VPS54: variants seen among roughly 807,000 people sequenced by gnomAD.
VPS54 encodes the protein vacuolar protein sorting-associated protein 54.
Under a neutral mutation model 121.5 loss-of-function variants are expected in VPS54, and 45 were observed. The observed-to-expected ratio is 0.37, with a 90% confidence interval of 0.29 to 0.47. The LOEUF is 0.47. Ranked by LOEUF, VPS54 falls within the 20% of genes least tolerant of loss-of-function variation. VPS54 has a pLI of 0.99. For missense variants in VPS54, 1,090 were observed against 1,131.4 expected (o/e 0.96, Z 0.52); for synonymous variants, 371 against 385.8 (o/e 0.96, Z 0.45).
At chr2:63,987,638 T>C (rs1275593351) in intron 1 of VPS54, among the ~76,000 whole-genome samples, 1 of 151,850 alleles carries the variant, frequency 6.6e-6, no homozygotes, top group Admixed American at 6.6e-5. Context: ...TTTAACAATA[T>C]TGATTCTTCC....
chr2:63,962,306 C>T lies in VPS54; in HGVS notation c.762G>A (p.Met254Ile), dbSNP rs369784624. 6.2e-7 allele frequency: 1 copy of T among 1,613,904 alleles called. No individual in the cohort carries two copies. Among genetic ancestry groups the T allele is most frequent in the Non-Finnish European group, 8.5e-7 (1 of 1,179,932 alleles). The change falls in exon 7 of 23, where the codon ATG (methionine) becomes ATA (isoleucine). Residue 254 changes from methionine to isoleucine, a missense_variant. By Grantham distance (10) the Met-to-Ile change is conservative. Coordinates refer to ENST00000272322, the MANE Select transcript of VPS54 (RefSeq NM_016516.3). Reference sequence around the variant, plus strand: ...CAATCTGTGCAATTTTATCTCGAAGCATTTTTACAGCCTGGGAAGTTTTCC... The same window carrying T: ...CAATCTGTGCAATTTTATCTCGAAGTATTTTTACAGCCTGGGAAGTTTTCC... ...YLRKTSQAVKMLRDKIAQIDK... is the reference protein window; with the variant it reads ...YLRKTSQAVKILRDKIAQIDK...
At chr2:63,981,947 G>C in intron 2 of VPS54, 60 bp from the exon 3 acceptor site, 1 of 1,519,718 alleles carries the variant, frequency 6.6e-7, no homozygotes, top group Non-Finnish European at 8.8e-7. Flanking sequence ...ATGTTTGAAA[G>C]TACACACTAG....
At chr2:63,997,653 A>G (rs987236492) in intron 1 of VPS54, among the ~76,000 whole-genome samples, 2 of 151,924 alleles carry the variant, frequency 1.3e-5, no homozygotes, top group Admixed American at 6.6e-5. Flanking sequence ...CAAAAACCCA[A>G]CGTTTTATTG....
intron 1 of VPS54, among the ~76,000 whole-genome samples, chr2:64,012,710 A>T (rs1678486459): frequency 6.7e-6 from 1 of 149,734 alleles, no homozygotes; most frequent in African/African-American, 2.5e-5. Flanking sequence ...AAAAAAGAAA[A>T]GAAAATTTCA....
chr2:63,995,020 T>C (rs775514657), intron 1 of VPS54, among the ~76,000 whole-genome samples: 1 of 152,214 alleles, frequency 6.6e-6, no homozygotes, highest in Non-Finnish European at 1.5e-5. Context: ...GATAAAGGCA[T>C]TACCCCCATC....
chr2:63,944,611 A>C lies in VPS54; in HGVS notation c.1290T>G (p.Asp430Glu). ...ATATTTATACTTACTTCACAACAACATCTGTGTCTATTTCTTCTGTTTGTG... is the reference window on the plus strand; with the variant it reads ...ATATTTATACTTACTTCACAACAACCTCTGTGTCTATTTCTTCTGTTTGTG... ...KVSQTEEIDTDVVVKLADQMR... is the reference protein window; with the variant it reads ...KVSQTEEIDTEVVVKLADQMR... Residue 430 changes from aspartate (D) to glutamate (E), a missense_variant, in exon 10 of 23, where the codon GAT becomes GAG. Physicochemically the swap from Asp to Glu is conservative, Grantham distance 45. Transcript: ENST00000272322. 1 of 1,610,132 alleles carries C rather than the reference A, an allele frequency of 6.2e-7. No homozygotes were observed. Among genetic ancestry groups the C allele is most frequent in the Non-Finnish European group, 8.5e-7 (1 of 1,178,272 alleles).
chr2:63,946,221 A>G (rs889785989), intron 9 of VPS54, among the ~76,000 whole-genome samples: 1 of 151,968 alleles, frequency 6.6e-6, no homozygotes, highest in Non-Finnish European at 1.5e-5. Flanking sequence ...TAATCTATTC[A>G]TTCTCATTAA....
intron 4 of VPS54, among the ~76,000 whole-genome samples, chr2:63,970,212 T>TACACAC (rs150635007): frequency 0.021 from 2,364 of 113,664 alleles, 67 homozygotes; most frequent in Non-Finnish European, 0.026. Flanking sequence ...AATATATATA[T>TACACAC]ACACACACAC....
chr2:63,947,190 C>T (rs150959526), intron 9 of VPS54, among the ~76,000 whole-genome samples, 193 bp downstream of exon 9: 347 of 152,040 alleles, frequency 2.3e-3, no homozygotes, highest in African/African-American at 7.9e-3. Context: ...TCAGTCTACA[C>T]GTGGAAATAT....
rs528687619 is a variant in VPS54, at chr2:63,927,749, G to A, written c.1739+5924C>T. On this transcript the variant is annotated intron_variant, in intron 12 of 22. Coordinates refer to ENST00000272322, the MANE Select transcript of VPS54 (RefSeq NM_016516.3). ...GAGCATGTTCTAGCCCATTGCAAGG[G>A]AGCTAAAAACCTTGAAAGAAGATTA... Among the ~76,000 whole-genome samples the A allele has an allele frequency of 1.7e-3, 254 of 152,204 alleles. 2 individuals carry two copies. The highest frequency in any genetic ancestry group is 5.9e-3 in the African/African-American group (245 of 41,528).
intron 1 of VPS54, among the ~76,000 whole-genome samples, chr2:64,011,860 T>A (rs141074259): frequency 0.012 from 1,870 of 152,302 alleles, 17 homozygotes; most frequent in Non-Finnish European, 0.015. Context: ...CTCAAATATA[T>A]AAACTATTAG....
chr2:63,947,826 G>GT (rs925403914), intron 8 of VPS54, among the ~76,000 whole-genome samples: 8 of 151,694 alleles, frequency 5.3e-5, no homozygotes, highest in African/African-American at 9.7e-5. Context: ...GGCCCTGTGG[G>GT]TTTTTTTTGG....
chr2:63,899,522 T>C lies in VPS54; in HGVS notation c.2685A>G (p.Thr895=). ...ACFRNICKQM[T]KMHEAIFDLL... ...GATCAAATATAGCTTCGTGCATTTT[T>C]GTCATTTGCTTACAAATATTCCTGA... Residue 895 remains threonine, a synonymous_variant, in exon 21 of 23, where the codon ACA becomes ACG. Transcript: ENST00000272322. The C allele has an allele frequency of 6.2e-7, 1 of 1,613,962 alleles. No individual in the cohort carries two copies. Among genetic ancestry groups the C allele is most frequent in the Non-Finnish European group, 8.5e-7 (1 of 1,179,966 alleles).
intron 15 of VPS54, among the ~76,000 whole-genome samples, chr2:63,917,546 T>TG (rs1209042854): frequency 2.0e-5 from 3 of 152,028 alleles, no homozygotes; most frequent in Admixed American, 6.6e-5. Context: ...AAAAGAACAG[T>TG]GGACTGGATT....
At chr2:63,970,851 A>C (rs1041335574) in intron 4 of VPS54, among the ~76,000 whole-genome samples, 2 of 151,720 alleles carry the variant, frequency 1.3e-5, no homozygotes, top group African/African-American at 2.4e-5. Flanking sequence ...TTCCCTGGGC[A>C]ATCTCACCCA....
rs142424783 is a variant in VPS54, at chr2:63,962,350, C to T, written c.718G>A (p.Glu240Lys). ...AFFHAMTSQH[E>K]LQDYLRKTSQ... ...GTTTTCCTGAGGTAGTCCTGCAACT[C>T]GTGTTGAGAGGTCATTGCATGAAAA... Residue 240 changes from glutamate to lysine, a missense_variant, in exon 7 of 23, where the codon GAG becomes AAG. By Grantham distance (56) the Glu-to-Lys change is moderately conservative. Transcript: ENST00000272322. 2.9e-5 allele frequency: 46 copies of T among 1,613,820 alleles called. No homozygotes were observed. In the African/African-American group the frequency reaches 5.1e-4, roughly 18 times the overall value.
At chr2:64,015,686 A>AT (rs1353638523) in intron 1 of VPS54, among the ~76,000 whole-genome samples, 6 of 152,160 alleles carry the variant, frequency 3.9e-5, no homozygotes, top group Non-Finnish European at 8.8e-5. Context: ...ATTGTTTTAG[A>AT]TGTTAGGGCA....
intron 1 of VPS54, among the ~76,000 whole-genome samples, chr2:63,984,614 T>C (rs1676956042): frequency 6.7e-6 from 1 of 148,602 alleles, no homozygotes; most frequent in East Asian, 1.9e-4. Context: ...TACATAGTAA[T>C]ATAATGATTA....
At position 63,991,467 on chromosome 2, in the gene VPS54, G is replaced by A. The variant is rs112241709; in HGVS notation, c.-20-7448C>T. On this transcript the variant is annotated intron_variant, in intron 1 of 22. Transcript: ENST00000272322. ...ACCCACAAAGCTATTCTGTGGGCAC[G>A]GGCCATGAAGGACCAATCAAACTGG... 5.3e-3 allele frequency among the ~76,000 whole-genome samples: 802 copies of A among 152,242 alleles called. 12 individuals are homozygous for A. The highest frequency in any genetic ancestry group is 0.017 in the African/African-American group (719 of 41,532).
Sources: allele counts gnomAD v4.1 joint callset (sites outside exome capture counted in the v4.1 genomes callset), GRCh38; gene constraint gnomAD v4.1.1; transcripts MANE v1.5; gene names NCBI Gene and HGNC (gene_info 2026-07-23, HGNC 2026-07-21).